Variants in PIGZ observed in about 807,000 individuals in gnomAD.
The protein encoded by PIGZ is phosphatidylinositol glycan anchor biosynthesis class Z (Gwada blood group).
PIGZ carries 16 observed loss-of-function variants against 16.4 expected under a neutral mutation model. That is an observed-to-expected ratio of 0.97 (90% CI 0.66 to 1.48). PIGZ has a LOEUF of 1.48. Among genes scored for constraint, PIGZ ranks in the 40% most tolerant of loss-of-function variants. The pLI is 0.00. For synonymous variants in PIGZ, 409 were observed against 338.4 expected, an observed-to-expected ratio of 1.21 and a Z score of -2.29; for missense variants, 770 against 739.2, an observed-to-expected ratio of 1.04 and a Z score of -0.48.
chr3:196,949,050 TCCCTTCCTTC>T lies in PIGZ; in HGVS notation c.212-375_212-366del, dbSNP rs1553836993. Reference sequence around the variant, plus strand: ...CCTTCCTTCCCTTCCTTCCTTCCCTTCCCTTCCTTCCCCTTCCTTCGCTTCGTTCATCTCT... The same window carrying T: ...CCTTCCTTCCCTTCCTTCCTTCCCTTCCCTTCCTTCGCTTCGTTCATCTCT... On this transcript the variant is annotated intron_variant, in intron 2 of 2. Coordinates refer to ENST00000412723, the MANE Select transcript of PIGZ (RefSeq NM_025163.4). 1.4e-3 allele frequency among the ~76,000 whole-genome samples: 32 copies of T among 23,434 alleles called. 6 individuals carry two copies. The East Asian group carries it at 0.11, about 78-fold the overall frequency. 15.4% of individuals were successfully genotyped at this position (23,434 alleles called of 152,430 possible).
intron 2 of PIGZ, 175 bp downstream of exon 2, chr3:196,951,646 G>A: frequency 1.6e-6 from 1 of 635,100 alleles, no homozygotes; most frequent in Non-Finnish European, 2.8e-6. Flanking sequence ...CACTCGGGAA[G>A]GAGATATGAA....
In PIGZ at chr3:196,947,793, G is replaced by C. The variant is rs760722458; in HGVS notation, c.1104C>G (p.Ser368=). 67 of 1,607,868 alleles carry C rather than the reference G, an allele frequency of 4.2e-5. No homozygotes were observed. Among genetic ancestry groups the C allele is most frequent in the Non-Finnish European group, 1.9e-5 (22 of 1,176,280 alleles). ...GARSLLSSPR[S]YLLLLYFMPL... ...GCATGAAGTAGAGGAGAAGGAGATAGGACCTGGGGCTGGACAGCAGGCTCC... is the reference window on the plus strand; with the variant it reads ...GCATGAAGTAGAGGAGAAGGAGATACGACCTGGGGCTGGACAGCAGGCTCC... The change falls in exon 3 of 3, where the codon TCC becomes TCG. Residue 368 remains serine, a synonymous_variant. Transcript: ENST00000412723.
Position 196,948,576 on chromosome 3 carries a change from G to A in PIGZ, c.321C>T (p.Leu107=), listed in dbSNP as rs768261720. The A allele has an allele frequency of 1.3e-6, 2 of 1,589,142 alleles. No homozygotes were observed. The highest frequency in any genetic ancestry group is 4.6e-5 in the East Asian group (2 of 43,696). ...ACGGCCCCAGCTCCTCCCAGAGCCT[G>A]AGCAGCCAGAAGGTGGAACCAGAGA... ...LLISGSTFWL[L]RLWEELGPWP... The change falls in exon 3 of 3, where the codon CTC becomes CTT. Residue 107 remains leucine, a synonymous_variant. Transcript: ENST00000412723.
At chr3:196,967,832 G>A (rs1717991900) in intron 1 of PIGZ, among the ~76,000 whole-genome samples, 1 of 152,154 alleles carries the variant, frequency 6.6e-6, no homozygotes. Flanking sequence ...AGAGAACAAG[G>A]CATCTTCATC....
intron 1 of PIGZ, among the ~76,000 whole-genome samples, chr3:196,968,430 C>T (rs879725946): frequency 2.0e-5 from 3 of 152,242 alleles, no homozygotes; most frequent in Non-Finnish European, 4.4e-5. Flanking sequence ...CACTGCCGCC[C>T]TTCCTGGGCA....
At chr3:196,955,047 T>C (rs1252957697) in intron 1 of PIGZ, among the ~76,000 whole-genome samples, 1 of 152,138 alleles carries the variant, frequency 6.6e-6, no homozygotes, top group Non-Finnish European at 1.5e-5. Context: ...GACCTCAGCC[T>C]CCTGAGTAGC....
intron 1 of PIGZ, among the ~76,000 whole-genome samples, chr3:196,967,002 C>G (rs1453244107): frequency 2.6e-5 from 4 of 151,838 alleles, no homozygotes; most frequent in Non-Finnish European, 5.9e-5. Context: ...ACAACCACGC[C>G]GACAGGGGCA....
Position 196,948,382 on chromosome 3 carries a change from T to TG in PIGZ, c.514_515insC (p.Tyr172SerfsTer10). Reference sequence around the variant, plus strand: ...AATGGTGTTGGAGAAGGTCCTTGTGTAGAAGACCAGGGTGACGTAGGAACC... The same window carrying TG: ...AATGGTGTTGGAGAAGGTCCTTGTGTGAGAAGACCAGGGTGACGTAGGAACC... On this transcript the variant is annotated frameshift_variant, in exon 3 of 3. Transcript: ENST00000412723. LOFTEE classifies it low-confidence loss of function (END_TRUNC). The TG allele has an allele frequency of 6.2e-7, 1 of 1,614,108 alleles. No individual in the cohort carries two copies. The highest frequency in any genetic ancestry group is 1.1e-5 in the South Asian group (1 of 91,082).
chr3:196,952,735 T>G (rs1717339627), intron 1 of PIGZ, among the ~76,000 whole-genome samples: 1 of 152,180 alleles, frequency 6.6e-6, no homozygotes. Context: ...CGTGCCCAGC[T>G]AAGATTAGCC....
rs1402033515 is a variant in PIGZ at position 196,949,017 on chromosome 3, C to T, written c.212-332G>A. Among the ~76,000 whole-genome samples, 28 of 54,082 alleles carry T rather than the reference C, an allele frequency of 5.2e-4. 5 individuals are homozygous for T. Among genetic ancestry groups the T allele is most frequent in the African/African-American group, 4.0e-3 (23 of 5,710 alleles). The allele number at this position is 54,082 out of a possible 152,430, so 35.5% of individuals were successfully genotyped here. ...TTCCCTTTACTTCTCTTTCCCTCCCCTCCCTTCCCTTCCTTCCCTTCCTTC... is the reference window on the plus strand; with the variant it reads ...TTCCCTTTACTTCTCTTTCCCTCCCTTCCCTTCCCTTCCTTCCCTTCCTTC... On this transcript the variant is annotated intron_variant, in intron 2 of 2. Transcript: ENST00000412723.
chr3:196,959,087 A>G (rs1432964984), intron 1 of PIGZ, among the ~76,000 whole-genome samples: 2 of 152,196 alleles, frequency 1.3e-5, no homozygotes, highest in African/African-American at 2.4e-5. Context: ...TCCTCAGCGT[A>G]TGGGAAGGTG....
Position 196,948,407 on chromosome 3 carries a change from C to G in PIGZ, c.490G>C (p.Gly164Arg). The change falls in exon 3 of 3, where the codon GGT (glycine) becomes CGT (arginine). Residue 164 changes from glycine (G) to arginine (R), a missense_variant. By Grantham distance (125) the Gly-to-Arg change is moderately radical (BLOSUM62 -2). Coordinates refer to ENST00000412723, the MANE Select transcript of PIGZ (RefSeq NM_025163.4). ...TAGAAGACCAGGGTGACGTAGGAAC[C>G]AGACAGCAGGGCCAGGGCGTTCCAG... ...DRWNALALLS[G>R]SYVTLVFYTR... 6.2e-7 allele frequency: 1 copy of G among 1,614,172 alleles called. No homozygotes were observed. Among genetic ancestry groups the G allele is most frequent in the Non-Finnish European group, 8.5e-7 (1 of 1,180,022 alleles).
intron 1 of PIGZ, among the ~76,000 whole-genome samples, chr3:196,957,601 C>T (rs562232630): frequency 7.2e-5 from 11 of 152,008 alleles, no homozygotes; most frequent in Admixed American, 2.0e-4. Flanking sequence ...AGGCTGGTCT[C>T]GAACTCCTGA....
At chr3:196,968,405 G>A (rs1425053985) in intron 1 of PIGZ, among the ~76,000 whole-genome samples, 1 of 152,182 alleles carries the variant, frequency 6.6e-6, no homozygotes, top group African/African-American at 2.4e-5. Flanking sequence ...CCCGTGCCCT[G>A]GAGTGGAGTT....
chr3:196,951,941 T>G lies in PIGZ; in HGVS notation c.91A>C (p.Lys31Gln). Residue 31 changes from lysine (K) to glutamine (Q), a missense_variant, in exon 2 of 3, where the codon AAG becomes CAG. Physicochemically the swap from Lys to Gln is moderately conservative, Grantham distance 53. Coordinates refer to ENST00000412723, the MANE Select transcript of PIGZ (RefSeq NM_025163.4). The part of the protein sequence containing the change: ...GPVCWQQLDL[K>Q]MAVRVLWGGL... The stretch of plus-strand genomic sequence containing the variant: ...CCCCAAAGCACCCTGACTGCCATCT[T>G]CAGATCCAGTTGTTGCCAACACACC... 6.2e-7 allele frequency: 1 copy of G among 1,614,166 alleles called. No individual in the cohort carries two copies.
intron 1 of PIGZ, among the ~76,000 whole-genome samples, chr3:196,957,621 C>G (rs139757974): frequency 0.022 from 3,363 of 152,216 alleles, 58 homozygotes; most frequent in Non-Finnish European, 0.032. Context: ...ACCTCGTGAT[C>G]CGCCGGCCTC....
intron 1 of PIGZ, among the ~76,000 whole-genome samples, chr3:196,968,191 C>T (rs1177954961): frequency 6.6e-6 from 1 of 152,180 alleles, no homozygotes; most frequent in African/African-American, 2.4e-5. Context: ...CAGGCCTGGC[C>T]CGAAGTGCAG....
rs114735164 is a variant in PIGZ at position 196,949,228 on chromosome 3, C to T, written c.212-543G>A. 4.4e-3 allele frequency among the ~76,000 whole-genome samples: 668 copies of T among 151,952 alleles called. 4 individuals are homozygous for T. The highest frequency in any genetic ancestry group is 0.015 in the African/African-American group (617 of 41,404). The stretch of plus-strand genomic sequence containing the variant: ...ACAGGTTTGAGCCACTGCACCTGGC[C>T]CGCAGGATGGACTGTATCCTGAGAT... On this transcript the variant is annotated intron_variant, in intron 2 of 2. Transcript: ENST00000412723.
chr3:196,960,737 G>GAGAAAGAA (rs377421215), intron 1 of PIGZ, among the ~76,000 whole-genome samples: 3,838 of 140,486 alleles, frequency 0.027, 84 homozygotes, highest in Middle Eastern at 0.066. Context: ...AAGAAAGAAA[G>GAGAAAGAA]AGAAAGAAAG....
Sources: allele counts gnomAD v4.1 joint callset (sites outside exome capture counted in the v4.1 genomes callset), GRCh38; gene constraint gnomAD v4.1.1; transcripts MANE v1.5; gene names NCBI Gene and HGNC (gene_info 2026-07-23, HGNC 2026-07-21).